Variants in PLCB1 observed in about 807,000 individuals in gnomAD.
The protein encoded by PLCB1 is 1-phosphatidylinositol 4,5-bisphosphate phosphodiesterase beta-1.
In PLCB1, 46 loss-of-function variants were observed where a neutral mutation model predicts 161.8. That is an observed-to-expected ratio of 0.28 (90% CI 0.22 to 0.36). PLCB1 has a LOEUF of 0.36. PLCB1 is among the 10% of genes least tolerant of loss of function. PLCB1 has a pLI of 1.00. For missense variants in PLCB1, 1,016 were observed against 1,472.5 expected (o/e 0.69, Z 5.07); for synonymous variants, 517 against 503.7 (o/e 1.03, Z -0.35).
chr20:8,389,494 A>T (rs549507767), intron 3 of PLCB1, among the ~76,000 whole-genome samples: 14 of 152,342 alleles, frequency 9.2e-5, no homozygotes, highest in African/African-American at 3.4e-4. Context: ...TGTTGAAGAC[A>T]GAATTAGTAC....
intron 2 of PLCB1, among the ~76,000 whole-genome samples, chr20:8,228,291 T>C (rs1400039513): frequency 6.6e-6 from 1 of 152,158 alleles, no homozygotes; most frequent in Admixed American, 6.6e-5. Context: ...TTCATACAAG[T>C]ACCCACCTCC....
intron 2 of PLCB1, among the ~76,000 whole-genome samples, chr20:8,211,037 A>G (rs936089052): frequency 2.0e-5 from 3 of 152,106 alleles, no homozygotes; most frequent in Non-Finnish European, 4.4e-5. Flanking sequence ...TAGCTCTACC[A>G]CTGCCTCACT....
intron 2 of PLCB1, among the ~76,000 whole-genome samples, chr20:8,216,102 A>T (rs953416251): frequency 6.6e-6 from 1 of 152,106 alleles, no homozygotes; most frequent in African/African-American, 2.4e-5. Flanking sequence ...TGATTATAGG[A>T]CATGGGGACA....
At chr20:8,801,001 A>C (rs1984255860) in intron 31 of PLCB1, among the ~76,000 whole-genome samples, 1 of 152,168 alleles carries the variant, frequency 6.6e-6, no homozygotes, top group African/African-American at 2.4e-5. Flanking sequence ...CATGTCACCC[A>C]GAGGCATCCT....
At chr20:8,754,961 G>T (rs1981667927) in intron 23 of PLCB1, among the ~76,000 whole-genome samples, 1 of 152,150 alleles carries the variant, frequency 6.6e-6, no homozygotes, top group South Asian at 2.1e-4. Flanking sequence ...TCTGATGGAT[G>T]TAACTAAATA....
intron 3 of PLCB1, among the ~76,000 whole-genome samples, chr20:8,467,618 G>T (rs1981875675): frequency 6.6e-6 from 1 of 152,246 alleles, no homozygotes; most frequent in Non-Finnish European, 1.5e-5. Context: ...GGTATACAGT[G>T]TTATATTTGA....
Position 8,132,416 on chromosome 20 carries a change from T to C in PLCB1, c.-236T>C. The C allele has an allele frequency of 3.4e-6, 1 of 297,084 alleles. No individual in the cohort carries two copies. Among genetic ancestry groups the C allele is most frequent in the Non-Finnish European group, 6.2e-6 (1 of 161,932 alleles). 18.4% of individuals were successfully genotyped at this position (297,084 alleles called of 1,614,324 possible). On this transcript the variant is annotated 5_prime_UTR_variant, in exon 1 of 32. Transcript: ENST00000338037. This position sits in a 1 kb window ranked among gnomAD's most constrained non-coding sequence, Gnocchi z 5.2. ...CCGAGGCTCCTCATCCACCGCGGGC[T>C]CCAGACCTCGCGTCCCGCCCGGGGC...
intron 4 of PLCB1, among the ~76,000 whole-genome samples, chr20:8,639,737 T>G (rs890625833): frequency 6.6e-6 from 1 of 152,178 alleles, no homozygotes; most frequent in African/African-American, 2.4e-5. Flanking sequence ...GAGATAGCAT[T>G]TGGCAGAAGG....
intron 3 of PLCB1, among the ~76,000 whole-genome samples, chr20:8,525,922 T>G (rs1011595259): frequency 2.6e-5 from 4 of 152,068 alleles, no homozygotes; most frequent in Non-Finnish European, 5.9e-5. Context: ...AAAATCAATT[T>G]TTAGTATTTT....
At chr20:8,462,539 A>C (rs909425015) in intron 3 of PLCB1, among the ~76,000 whole-genome samples, 1 of 152,226 alleles carries the variant, frequency 6.6e-6, no homozygotes, top group Non-Finnish European at 1.5e-5. Context: ...ACCTTATTCA[A>C]TAATTTAAGT....
At chr20:8,513,514 T>G (rs1211746283) in intron 3 of PLCB1, among the ~76,000 whole-genome samples, 1 of 152,222 alleles carries the variant, frequency 6.6e-6, no homozygotes. Context: ...TAGAATATAT[T>G]GGATAATTCG....
chr20:8,241,719 T>A (rs1214249345), intron 2 of PLCB1, among the ~76,000 whole-genome samples: 4 of 151,884 alleles, frequency 2.6e-5, no homozygotes, highest in Admixed American at 6.6e-5. Flanking sequence ...TCAACTAGTA[T>A]ACACAGAGGT....
chr20:8,325,046 G>C (rs1008004739), intron 2 of PLCB1, among the ~76,000 whole-genome samples: 3 of 152,198 alleles, frequency 2.0e-5, no homozygotes, highest in Non-Finnish European at 4.4e-5. Flanking sequence ...CATTTAAACT[G>C]AAGTTTTATT....
Position 8,757,110 on chromosome 20 carries a change from G to A in PLCB1, c.2588G>A (p.Gly863Glu). The stretch of plus-strand genomic sequence containing the variant: ...GCGAGAACGACTCCAGCAGAAAATG[G>A]GGTGAATCACACTACAACCCTGACA... ...SEARTTPAENGVNHTTTLTPK... is the reference protein window; with the variant it reads ...SEARTTPAENEVNHTTTLTPK... Residue 863 changes from glycine (G) to glutamate (E), a missense_variant, in exon 24 of 32, where the codon GGG becomes GAG. Transcript: ENST00000338037. 4 of 1,613,440 alleles carry A rather than the reference G, an allele frequency of 2.5e-6. No individual in the cohort carries two copies. Among genetic ancestry groups the A allele is most frequent in the African/African-American group, 1.3e-5 (1 of 75,018 alleles).
chr20:8,674,374 C>G (rs561547581), intron 9 of PLCB1, among the ~76,000 whole-genome samples: 4 of 152,164 alleles, frequency 2.6e-5, no homozygotes, highest in African/African-American at 7.2e-5. Flanking sequence ...CTCTCAATTT[C>G]TATTTTGAAA....
intron 3 of PLCB1, among the ~76,000 whole-genome samples, chr20:8,573,587 A>G (rs569873197): frequency 2.5e-4 from 38 of 152,344 alleles, no homozygotes; most frequent in African/African-American, 8.4e-4. Context: ...AGAGGTCCCA[A>G]TTATTCACAT....
intron 3 of PLCB1, among the ~76,000 whole-genome samples, chr20:8,542,422 C>A (rs920949469): frequency 3.3e-5 from 5 of 152,160 alleles, no homozygotes; most frequent in African/African-American, 1.2e-4. Flanking sequence ...ACATTAGCTG[C>A]CCAGTCTTGT....
At chr20:8,376,361 T>C (rs1188977716) in intron 3 of PLCB1, among the ~76,000 whole-genome samples, 1 of 152,190 alleles carries the variant, frequency 6.6e-6, no homozygotes, top group East Asian at 1.9e-4. Flanking sequence ...CAGAATCACA[T>C]AAGGTAGATT....
chr20:8,480,894 A>C (rs1371809184), intron 3 of PLCB1, among the ~76,000 whole-genome samples: 1 of 135,892 alleles, frequency 7.4e-6, no homozygotes, highest in Non-Finnish European at 1.6e-5. Flanking sequence ...ACCTGAGCTC[A>C]GGAGTTGGAG....
Sources: allele counts gnomAD v4.1 joint callset (sites outside exome capture counted in the v4.1 genomes callset), GRCh38; gene constraint gnomAD v4.1.1; non-coding constraint Gnocchi (gnomAD v3.1); transcripts MANE v1.5; gene names NCBI Gene and HGNC (gene_info 2026-07-23, HGNC 2026-07-21).